TMEM14B: variants seen among roughly 807,000 people sequenced by gnomAD.
TMEM14B encodes transmembrane protein 14B.
In TMEM14B, 9 loss-of-function variants were observed where a neutral mutation model predicts 14.8. That is an observed-to-expected ratio of 0.61 (90% confidence interval 0.37 to 1.06). The LOEUF is 1.06. Ranked by LOEUF, TMEM14B falls within the 50% of genes least tolerant of loss-of-function variation. The pLI, the probability that TMEM14B is intolerant of heterozygous loss-of-function variation, is 0.01. For synonymous variants in TMEM14B, 40 were observed against 51.3 expected (o/e 0.78, Z 0.94); for missense variants, 128 against 143.6 (o/e 0.89, Z 0.56).
chr6:10,757,504 G>GT (rs199583470), downstream of TMEM14B, among the ~76,000 whole-genome samples: 394 of 151,842 alleles, frequency 2.6e-3, 3 homozygotes, highest in African/African-American at 9.0e-3. Context: ...AAAAAAAGTG[G>GT]TTTTTTTTGT....
At position 10,751,224 on chromosome 6, in the gene TMEM14B, G is replaced by A. The variant is rs149683885; in HGVS notation, c.192G>A (p.Trp64Ter). 60 of 1,613,666 alleles carry A rather than the reference G, an allele frequency of 3.7e-5. No individual in the cohort carries two copies. In the African/African-American group the frequency reaches 3.9e-4, roughly 10 times the overall value. ...TGTATCAGGATCCAAGGAACGTTTG[G>A]GGTTTCCTAGGTATGTCTGCTTCAG... ...YQLYQDPRNV[W>*]GFLAATSVTF... The change falls in exon 4 of 6, where the codon TGG (tryptophan) becomes TGA (stop). Residue 64 changes from tryptophan to a stop codon, truncating the protein, a stop_gained. Coordinates refer to ENST00000379542, the MANE Select transcript of TMEM14B (RefSeq NM_030969.5). LOFTEE classifies it high-confidence loss of function.
chr6:10,751,054 A>G (rs1472677465), intron 3 of TMEM14B, 79 bp from the exon 4 acceptor site: 10 of 1,558,190 alleles, frequency 6.4e-6, no homozygotes, highest in Non-Finnish European at 2.6e-6. Context: ...TGTCCTTTGT[A>G]GGGCAGGAGG....
intron 3 of TMEM14B, 23 bp downstream of exon 3, chr6:10,749,721 C>A: frequency 6.2e-7 from 1 of 1,612,764 alleles, no homozygotes; most frequent in African/African-American, 1.3e-5. Flanking sequence ...TGTTACTTAG[C>A]CTCTTAACAT....
chr6:10,749,280 G>A lies in TMEM14B; in HGVS notation c.23+12G>A, dbSNP rs1581610030. The A allele has an allele frequency of 6.2e-7, 1 of 1,614,144 alleles. No individual in the cohort carries two copies. On this transcript the variant is annotated intron_variant, in intron 2 of 5. Transcript: ENST00000379542. Reference sequence around the variant, plus strand: ...CCCCTCTTCCCATTGTGAGTAGACAGTAAATGGTTAGAGAGTAGCCAGGAG... The same window carrying A: ...CCCCTCTTCCCATTGTGAGTAGACAATAAATGGTTAGAGAGTAGCCAGGAG...
Position 10,755,245 on chromosome 6 carries a change from T to C in TMEM14B, c.293+13T>C. 4 of 1,614,164 alleles carry C rather than the reference T, an allele frequency of 2.5e-6. No homozygotes were observed. The highest frequency in any genetic ancestry group is 3.4e-6 in the Non-Finnish European group (4 of 1,180,024). The stretch of plus-strand genomic sequence containing the variant: ...TTGCAGGTGCCAGGTACTTTCATTC[T>C]ATTACTCTTCTTTACCATGTAGAGT... On this transcript the variant is annotated intron_variant, in intron 5 of 5. Transcript: ENST00000379542.
rs745697678 is a variant in TMEM14B, at chr6:10,749,243, A to G, written c.-3A>G. ...GTCTCCTTTCTGGACTGAGAAGAGA[A>G]GAATGGAGAAGCCCCTCTTCCCATT... On this transcript the variant is annotated 5_prime_UTR_variant, in exon 2 of 6. Transcript: ENST00000379542. 1.2e-6 allele frequency: 2 copies of G among 1,614,208 alleles called. No individual in the cohort carries two copies. The highest frequency in any genetic ancestry group is 1.7e-6 in the Non-Finnish European group (2 of 1,180,020).
intron 4 of TMEM14B, among the ~76,000 whole-genome samples, chr6:10,751,970 C>T (rs1771594057): frequency 6.6e-6 from 1 of 151,994 alleles, no homozygotes; most frequent in Non-Finnish European, 1.5e-5. Context: ...CTTGCGGTCT[C>T]TACAAACCCC....
downstream of TMEM14B, chr6:10,759,436 T>C (rs998508696): frequency 2.0e-5 from 3 of 152,070 alleles, no homozygotes; most frequent in African/African-American, 7.2e-5. Flanking sequence ...CTCATGGAAA[T>C]CCCCGTGAAC....
rs550368146 is a variant in TMEM14B, at chr6:10,753,184, C to T, written c.202+1950C>T. ...CCGGGAAGTGGAGGTCGCGGTGAGC[C>T]GAGATGACGCCACTGCACTCCAGCC... On this transcript the variant is annotated intron_variant, in intron 4 of 5. Transcript: ENST00000379542. Among the ~76,000 whole-genome samples the T allele has an allele frequency of 9.2e-5, 14 of 151,602 alleles. No homozygotes were observed. In the South Asian group the frequency reaches 2.3e-3, roughly 25 times the overall value.
At chr6:10,748,961 C>T (rs148939065) in intron 1 of TMEM14B, among the ~76,000 whole-genome samples, 1 of 152,326 alleles carries the variant, frequency 6.6e-6, no homozygotes, top group Non-Finnish European at 1.5e-5. Flanking sequence ...TGCTGAGTTT[C>T]CTGTGGACCT....
intron 3 of TMEM14B, among the ~76,000 whole-genome samples, chr6:10,750,438 T>TGG (rs113108299): frequency 1.1e-3 from 72 of 64,970 alleles, no homozygotes; most frequent in African/African-American, 3.6e-3. Flanking sequence ...TAGAATGGGG[T>TGG]GGGGGGGGGG....
chr6:10,757,757 G>A (rs567771123), downstream of TMEM14B, among the ~76,000 whole-genome samples: 17 of 152,252 alleles, frequency 1.1e-4, no homozygotes, highest in African/African-American at 4.1e-4. Context: ...TTGGGAGGCC[G>A]AGATGGGTGG....
chr6:10,756,581 A>C lies in TMEM14B; in HGVS notation c.*63A>C. ...AAAATCTGCATCTTCCACTATTTTC[A>C]ATGTATTAAGAGAAATAAGTGCAGC... On this transcript the variant is annotated 3_prime_UTR_variant, in exon 6 of 6. Coordinates refer to ENST00000379542, the MANE Select transcript of TMEM14B (RefSeq NM_030969.5). The C allele has an allele frequency of 6.3e-7, 1 of 1,587,750 alleles. No homozygotes were observed. The highest frequency in any genetic ancestry group is 8.5e-7 in the Non-Finnish European group (1 of 1,170,570).
chr6:10,747,830 TGCTGTGTCCCGC>T lies in TMEM14B; in HGVS notation c.-94_-83del, dbSNP rs1236956955. The T allele has an allele frequency of 2.0e-5, 3 of 152,340 alleles. No individual in the cohort carries two copies. The highest frequency in any genetic ancestry group is 7.2e-5 in the African/African-American group (3 of 41,482). 9.4% of individuals were successfully genotyped at this position (152,340 alleles called of 1,614,324 possible). On this transcript the variant is annotated 5_prime_UTR_variant, in exon 1 of 6. Transcript: ENST00000379542. Reference sequence around the variant, plus strand: ...AATCGCGTTTCCGGAGAGACCTGGCTGCTGTGTCCCGCGGCTTGCGCTCCGTAGTGGACTCCG... The same window carrying T: ...AATCGCGTTTCCGGAGAGACCTGGCTGGCTTGCGCTCCGTAGTGGACTCCG...
chr6:10,753,847 C>G (rs1436277096), intron 4 of TMEM14B, among the ~76,000 whole-genome samples: 1 of 151,944 alleles, frequency 6.6e-6, no homozygotes, highest in Non-Finnish European at 1.5e-5. Context: ...ATCTGCACAG[C>G]CATCGTCCTA....
In TMEM14B at chr6:10,752,452, CTT is replaced by C. The variant is rs60849022; in HGVS notation, c.202+1239_202+1240del. Among the ~76,000 whole-genome samples the C allele has an allele frequency of 8.9e-3, 1,005 of 112,478 alleles. 4 individuals are homozygous for C. Among genetic ancestry groups the C allele is most frequent in the African/African-American group, 0.035 (958 of 27,590 alleles). 73.8% of individuals were successfully genotyped at this position (112,478 alleles called of 152,430 possible). ...TGTCTCCTTCCCCTTCATAAACTAC[CTT>C]TTTTTTTTTTTTTTTTTTTTGAGAC... On this transcript the variant is annotated intron_variant, in intron 4 of 5. Coordinates refer to ENST00000379542, the MANE Select transcript of TMEM14B (RefSeq NM_030969.5).
chr6:10,758,613 A>G (rs9461131), downstream of TMEM14B, among the ~76,000 whole-genome samples: 21,721 of 151,998 alleles, frequency 0.14, 4,483 homozygotes, highest in African/African-American at 0.46. Context: ...AAACAAAGGC[A>G]GTATAGAAAT....
intron 3 of TMEM14B, 139 bp downstream of exon 3, chr6:10,749,837 C>G: frequency 1.1e-6 from 1 of 948,922 alleles, no homozygotes; most frequent in Non-Finnish European, 1.7e-6. Context: ...GCTTCCTTGT[C>G]AGTCTTGCAG....
At chr6:10,748,854 A>G (rs1271977716) in intron 1 of TMEM14B, among the ~76,000 whole-genome samples, 1 of 152,342 alleles carries the variant, frequency 6.6e-6, no homozygotes, top group East Asian at 1.9e-4. Context: ...AGTTGGATTA[A>G]GGGCACGGGA....
Sources: gnomAD v4.1 joint callset for allele counts (sites outside exome capture counted in the v4.1 genomes callset) on GRCh38, gnomAD v4.1.1 for gene constraint, MANE v1.5 for transcripts, NCBI Gene and HGNC (gene_info 2026-07-23, HGNC 2026-07-21) for gene names.